The following NUDCD1 variants were observed in gnomAD, a reference collection of about 807,000 sequenced individuals.
NUDCD1 encodes the protein nudC domain-containing protein 1.
NUDCD1 carries 60 observed loss-of-function variants against 67.8 expected under a neutral mutation model. The ratio of observed to expected loss-of-function variants is 0.88; its 90% CI spans 0.72 to 1.10. The LOEUF is 1.10. NUDCD1 is among the 50% of genes least tolerant of loss of function. NUDCD1 has a pLI of 0.00. For missense variants in NUDCD1, 643 were observed against 695.0 expected (o/e 0.93, Z 0.84); for synonymous variants, 244 against 230.8 (o/e 1.06, Z -0.52).
chr8:109,273,718 T>C (rs1031618334), intron 7 of NUDCD1, among the ~76,000 whole-genome samples: 5 of 152,094 alleles, frequency 3.3e-5, no homozygotes, highest in Non-Finnish European at 7.4e-5. Context: ...CAGATTGTTT[T>C]ACTGACAAAT....
chr8:109,317,759 C>T (rs1815434973), intron 2 of NUDCD1, among the ~76,000 whole-genome samples: 1 of 152,128 alleles, frequency 6.6e-6, no homozygotes, highest in Non-Finnish European at 1.5e-5. Flanking sequence ...AGGCATATGC[C>T]AGTAATATCT....
chr8:109,321,513 AT>A (rs144110426), intron 2 of NUDCD1, among the ~76,000 whole-genome samples: 6,839 of 152,034 alleles, frequency 0.045, 520 homozygotes, highest in African/African-American at 0.15. Flanking sequence ...TTCTAAGGAC[AT>A]TTTTTTTAAA....
chr8:109,329,144 A>G (rs1400261419), intron 1 of NUDCD1, among the ~76,000 whole-genome samples: 3 of 152,130 alleles, frequency 2.0e-5, no homozygotes, highest in Admixed American at 1.3e-4. Context: ...AAAAAAAAGT[A>G]AACGGAACTA....
intron 2 of NUDCD1, among the ~76,000 whole-genome samples, chr8:109,309,136 A>C (rs1415845148): frequency 6.6e-6 from 1 of 152,194 alleles, no homozygotes; most frequent in African/African-American, 2.4e-5. Context: ...CTATTACCAC[A>C]ACCAGGAAAG....
At chr8:109,305,866 A>G (rs927445614) in intron 2 of NUDCD1, among the ~76,000 whole-genome samples, 2 of 151,972 alleles carry the variant, frequency 1.3e-5, no homozygotes, top group Non-Finnish European at 2.9e-5. Flanking sequence ...AGCCAGCCTG[A>G]TTTCTCCTCT....
intron 5 of NUDCD1, 33 bp downstream of exon 5, chr8:109,289,718 A>AT: frequency 1.8e-6 from 2 of 1,109,120 alleles, no homozygotes; most frequent in Non-Finnish European, 2.7e-6. Flanking sequence ...GTTTATGAAA[A>AT]TACCAATAAG....
Position 109,243,029 on chromosome 8 carries a change from T to C in NUDCD1, c.1732A>G (p.Lys578Glu). 1.3e-6 allele frequency: 2 copies of C among 1,586,142 alleles called. No individual in the cohort carries two copies. The highest frequency in any genetic ancestry group is 4.5e-5 in the East Asian group (2 of 44,706). Reference sequence around the variant, plus strand: ...AATAATTAATTCTCTGTATTTACTTTTATTAAAAAGAGGTTTTTGGTAGTA... The same window carrying C: ...AATAATTAATTCTCTGTATTTACTTCTATTAAAAAGAGGTTTTTGGTAGTA... ...VLTTKNLFLIKVNTEN is the reference protein window; with the variant it reads ...VLTTKNLFLIEVNTEN The change falls in exon 10 of 10, where the codon AAA becomes GAA. Residue 578 changes from lysine (K) to glutamate (E), a missense_variant. Coordinates refer to ENST00000239690, the MANE Select transcript of NUDCD1 (RefSeq NM_032869.4).
intron 9 of NUDCD1, among the ~76,000 whole-genome samples, chr8:109,243,904 C>T (rs1813435742): frequency 6.6e-6 from 1 of 151,944 alleles, no homozygotes; most frequent in South Asian, 2.1e-4. Flanking sequence ...GAATGTTGAT[C>T]ACTATAACTT....
At chr8:109,279,781 G>A (rs543601762) in intron 6 of NUDCD1, among the ~76,000 whole-genome samples, 27 of 152,096 alleles carry the variant, frequency 1.8e-4, no homozygotes, top group African/African-American at 4.3e-4. Flanking sequence ...ACAGGCACCC[G>A]CCACCACGCC....
chr8:109,260,798 G>A (rs923116458), intron 8 of NUDCD1, among the ~76,000 whole-genome samples: 1 of 152,142 alleles, frequency 6.6e-6, no homozygotes, highest in African/African-American at 2.4e-5. Context: ...TGCAATATTT[G>A]CTTGATACAA....
intron 8 of NUDCD1, among the ~76,000 whole-genome samples, chr8:109,250,177 T>C (rs1813592176): frequency 6.6e-6 from 1 of 152,176 alleles, no homozygotes; most frequent in Admixed American, 6.5e-5. Flanking sequence ...TCTTTCTGTA[T>C]GTAGTAAGAG....
At chr8:109,259,035 C>T (rs543785125) in intron 8 of NUDCD1, among the ~76,000 whole-genome samples, 30 of 152,252 alleles carry the variant, frequency 2.0e-4, no homozygotes, top group Admixed American at 1.3e-3. Context: ...TGCTGGGAGA[C>T]AATTTTCCTA....
At chr8:109,261,895 C>CTA (rs1813870816) in intron 8 of NUDCD1, among the ~76,000 whole-genome samples, 1 of 151,984 alleles carries the variant, frequency 6.6e-6, no homozygotes, top group Non-Finnish European at 1.5e-5. Context: ...CTAGTAAGGG[C>CTA]TAGTACACAC....
At chr8:109,277,179 T>C (rs540077509) in intron 6 of NUDCD1, among the ~76,000 whole-genome samples, 24 of 152,270 alleles carry the variant, frequency 1.6e-4, no homozygotes, top group Non-Finnish European at 2.8e-4. Flanking sequence ...AGTACTGAGG[T>C]TAAGCAACTT....
chr8:109,247,105 G>C (rs548568742), intron 8 of NUDCD1, among the ~76,000 whole-genome samples: 1 of 152,296 alleles, frequency 6.6e-6, no homozygotes, highest in South Asian at 2.1e-4. Context: ...CCGATGATCA[G>C]TGGCTAGATG....
chr8:109,322,257 T>C (rs1295441563), intron 2 of NUDCD1, 52 bp downstream of exon 2: 14 of 951,544 alleles, frequency 1.5e-5, no homozygotes, highest in Non-Finnish European at 2.0e-5. Flanking sequence ...AATTATCAAA[T>C]TTGCTTGATA....
At chr8:109,269,628 C>G (rs1047485794) in intron 8 of NUDCD1, among the ~76,000 whole-genome samples, 1 of 152,118 alleles carries the variant, frequency 6.6e-6, no homozygotes, top group African/African-American at 2.4e-5. Flanking sequence ...TCAGGGCACA[C>G]TTGGCAGACA....
intron 8 of NUDCD1, among the ~76,000 whole-genome samples, chr8:109,261,395 C>A (rs922648137): frequency 6.6e-6 from 1 of 151,864 alleles, no homozygotes; most frequent in African/African-American, 2.4e-5. Flanking sequence ...ATGTAAGAGT[C>A]AAAACGAATG....
In NUDCD1 at chr8:109,334,041, TAA is replaced by T; in HGVS notation, c.-33_-32del. The T allele has an allele frequency of 6.2e-7, 1 of 1,613,732 alleles. No individual in the cohort carries two copies. Among genetic ancestry groups the T allele is most frequent in the Non-Finnish European group, 8.5e-7 (1 of 1,179,780 alleles). Reference sequence around the variant, plus strand: ...TCCAGGGCCGCAGCGTGAGAATTAATAAAGCCCTTGTTGAAAGGTCCGCGCTT... The same window carrying T: ...TCCAGGGCCGCAGCGTGAGAATTAATAGCCCTTGTTGAAAGGTCCGCGCTT... On this transcript the variant is annotated 5_prime_UTR_variant, in exon 1 of 10. Transcript: ENST00000239690.
Sources: allele counts gnomAD v4.1 joint callset (sites outside exome capture counted in the v4.1 genomes callset), GRCh38; gene constraint gnomAD v4.1.1; transcripts MANE v1.5; gene names NCBI Gene and HGNC (gene_info 2026-07-23, HGNC 2026-07-21).